Variants in NUDCD1 observed in about 807,000 individuals in gnomAD.
NUDCD1 encodes the protein nudC domain-containing protein 1.
Under a neutral mutation model 67.8 loss-of-function variants are expected in NUDCD1, and 60 were observed. The observed-to-expected ratio is 0.88, with a 90% CI of 0.72 to 1.10. NUDCD1 has a LOEUF of 1.10. NUDCD1 is among the 50% of genes least tolerant of loss of function. NUDCD1 has a pLI of 0.00. For synonymous variants in NUDCD1, 244 were observed against 230.8 expected (o/e 1.06, Z -0.52); for missense variants, 643 against 695.0 (o/e 0.93, Z 0.84).
intron 8 of NUDCD1, among the ~76,000 whole-genome samples, chr8:109,262,947 C>T (rs1813900049): frequency 6.8e-6 from 1 of 147,332 alleles, no homozygotes; most frequent in Non-Finnish European, 1.5e-5. Context: ...CCCAGCTACT[C>T]AGGAGGCTGA....
intron 8 of NUDCD1, among the ~76,000 whole-genome samples, chr8:109,261,313 C>T (rs1021188884): frequency 6.6e-6 from 1 of 151,994 alleles, no homozygotes; most frequent in African/African-American, 2.4e-5. Flanking sequence ...TTAACATTAG[C>T]ACTGCTAGGT....
At chr8:109,243,367 T>A (rs2980587) in intron 9 of NUDCD1, 66 bp from the exon 10 acceptor site, 487,657 of 1,233,112 alleles carry the variant, frequency 0.4, 100,364 homozygotes, top group South Asian at 0.5. Context: ...AAATGATGAT[T>A]TAACATTTAA....
chr8:109,275,311 T>C, intron 7 of NUDCD1, 41 bp downstream of exon 7: 1 of 1,580,968 alleles, frequency 6.3e-7, no homozygotes, highest in Non-Finnish European at 8.6e-7. Context: ...TAACATATTT[T>C]TGGACCCTTG....
chr8:109,293,550 A>G (rs766879635), intron 3 of NUDCD1, 26 bp from the exon 4 acceptor site: 2 of 1,307,378 alleles, frequency 1.5e-6, no homozygotes, highest in Admixed American at 4.9e-5. Flanking sequence ...ACACACACAA[A>G]AAAGTGTACA....
intron 5 of NUDCD1, among the ~76,000 whole-genome samples, chr8:109,281,627 T>G (rs1348236885): frequency 6.6e-6 from 1 of 152,206 alleles, no homozygotes; most frequent in Non-Finnish European, 1.5e-5. Context: ...TGGGAGGATG[T>G]GCAAAATCAC....
chr8:109,253,446 C>T (rs1813665409), intron 8 of NUDCD1, among the ~76,000 whole-genome samples: 1 of 152,182 alleles, frequency 6.6e-6, no homozygotes, highest in South Asian at 2.1e-4. Flanking sequence ...AGAACTTGTG[C>T]TATTTTCTAA....
intron 7 of NUDCD1, among the ~76,000 whole-genome samples, chr8:109,275,089 G>C (rs1269602820): frequency 1.3e-5 from 2 of 151,788 alleles, no homozygotes; most frequent in African/African-American, 2.4e-5. Context: ...TAGAGAGAGA[G>C]AGCGCACAAT....
intron 8 of NUDCD1, among the ~76,000 whole-genome samples, chr8:109,258,623 T>C (rs1179069331): frequency 6.6e-6 from 1 of 152,020 alleles, no homozygotes; most frequent in African/African-American, 2.4e-5. Flanking sequence ...TTAAATATCC[T>C]AGCTAAAACA....
At chr8:109,264,524 C>T (rs1563663884) in intron 8 of NUDCD1, among the ~76,000 whole-genome samples, 1 of 152,132 alleles carries the variant, frequency 6.6e-6, no homozygotes, top group Non-Finnish European at 1.5e-5. Flanking sequence ...AAGTTATCGT[C>T]ATGGGTAAAA....
intron 2 of NUDCD1, among the ~76,000 whole-genome samples, chr8:109,311,216 C>T (rs1009295303): frequency 1.4e-4 from 22 of 152,192 alleles, no homozygotes; most frequent in African/African-American, 4.6e-4. Flanking sequence ...AACTACAATG[C>T]GATACCCCCA....
At chr8:109,245,024 T>G (rs1187789768) in intron 9 of NUDCD1, among the ~76,000 whole-genome samples, 2 of 152,184 alleles carry the variant, frequency 1.3e-5, no homozygotes, top group African/African-American at 4.8e-5. Context: ...GACTCCAGTA[T>G]TATATGGCTT....
At chr8:109,304,178 G>A (rs1815053213) in intron 2 of NUDCD1, among the ~76,000 whole-genome samples, 1 of 152,118 alleles carries the variant, frequency 6.6e-6, no homozygotes, top group African/African-American at 2.4e-5. Flanking sequence ...AAGTGCAGGG[G>A]TGTGTGACTG....
chr8:109,271,182 A>C (rs756657624), intron 7 of NUDCD1, 52 bp from the exon 8 acceptor site: 1 of 1,282,808 alleles, frequency 7.8e-7, no homozygotes, highest in Non-Finnish European at 1.1e-6. Context: ...AAACAAGGGA[A>C]TGGGTTTCTT....
intron 8 of NUDCD1, among the ~76,000 whole-genome samples, chr8:109,248,181 C>T (rs1470264618): frequency 6.6e-6 from 1 of 152,200 alleles, no homozygotes; most frequent in African/African-American, 2.4e-5. Context: ...GTAATGGAGG[C>T]AGCCTCTAGA....
chr8:109,303,777 T>C (rs1260715677), intron 2 of NUDCD1, among the ~76,000 whole-genome samples: 3 of 152,098 alleles, frequency 2.0e-5, no homozygotes, highest in African/African-American at 7.2e-5. Context: ...TAATCACCCT[T>C]ACCTCGCTCA....
intron 8 of NUDCD1, among the ~76,000 whole-genome samples, chr8:109,259,824 CT>C (rs1023650734): frequency 1.3e-5 from 2 of 152,156 alleles, no homozygotes; most frequent in African/African-American, 4.8e-5. Context: ...GTTTCACTTT[CT>C]CAAAAACAGG....
chr8:109,333,879 C>G lies in NUDCD1; in HGVS notation c.118+14G>C. On this transcript the variant is annotated intron_variant, in intron 1 of 9. Coordinates refer to ENST00000239690, the MANE Select transcript of NUDCD1 (RefSeq NM_032869.4). The stretch of plus-strand genomic sequence containing the variant: ...GGAAAGGAACGGAGTACGAAGGGCG[C>G]CGCCGCTTCCCACCTGCGTCAAGCT... 1 of 1,613,678 alleles carries G rather than the reference C, an allele frequency of 6.2e-7. No homozygotes were observed. The highest frequency in any genetic ancestry group is 8.5e-7 in the Non-Finnish European group (1 of 1,179,788).
chr8:109,284,518 C>A (rs989163864), intron 5 of NUDCD1, among the ~76,000 whole-genome samples: 1 of 152,116 alleles, frequency 6.6e-6, no homozygotes, highest in Non-Finnish European at 1.5e-5. Flanking sequence ...AGATCACTCA[C>A]ACACTCAGCC....
At chr8:109,302,710 T>A (rs1815018015) in intron 2 of NUDCD1, among the ~76,000 whole-genome samples, 1 of 152,154 alleles carries the variant, frequency 6.6e-6, no homozygotes, top group South Asian at 2.1e-4. Flanking sequence ...CCCAAATCAG[T>A]TAGCATTTAG....
Sources: allele counts gnomAD v4.1 joint callset (sites outside exome capture counted in the v4.1 genomes callset), GRCh38; gene constraint gnomAD v4.1.1; transcripts MANE v1.5; gene names NCBI Gene and HGNC (gene_info 2026-07-23, HGNC 2026-07-21).